The following CLMP variants were observed in gnomAD, a reference collection of about 807,000 sequenced individuals.
CLMP encodes the protein CXADR like cell adhesion molecule, also known as CXADR-like membrane protein.
A neutral mutation model predicts 45.2 loss-of-function variants in CLMP; 27 were observed. That is an observed-to-expected ratio of 0.60 (90% CI 0.44 to 0.82). CLMP has a LOEUF of 0.82. CLMP is among the 40% of genes least tolerant of loss of function. The probability of loss-of-function intolerance (pLI) is 0.00; values close to 1 mark genes in which losing one functional copy is unlikely to be tolerated. For missense variants in CLMP, 403 were observed against 448.4 expected, an observed-to-expected ratio of 0.90 and a Z score of 0.91; for synonymous variants, 167 against 171.4, an observed-to-expected ratio of 0.97 and a Z score of 0.20.
intron 1 of CLMP, among the ~76,000 whole-genome samples, chr11:123,170,976 G>A (rs978895991): frequency 1.1e-4 from 17 of 152,136 alleles, no homozygotes; most frequent in Admixed American, 5.9e-4. Context: ...GGAGACGTTC[G>A]AATACATTTA....
At chr11:123,090,775 C>A (rs1190558413) in intron 2 of CLMP, among the ~76,000 whole-genome samples, 1 of 152,034 alleles carries the variant, frequency 6.6e-6, no homozygotes, top group Non-Finnish European at 1.5e-5. Context: ...TCTCATGGCC[C>A]AATAACGAGA....
At chr11:123,118,926 TTCTTTTCTTTCTTTCTTTCTTTC>T (rs1860754491) in intron 1 of CLMP, among the ~76,000 whole-genome samples, 2 of 131,590 alleles carry the variant, frequency 1.5e-5, no homozygotes, top group Non-Finnish European at 3.2e-5. Context: ...GCATTTTCTT[TTCTTTTCTTTCTTTCTTTCTTTC>T]TTTCTTTCTT....
chr11:123,186,996 C>T (rs1004118744), intron 1 of CLMP, among the ~76,000 whole-genome samples: 2 of 152,202 alleles, frequency 1.3e-5, no homozygotes, highest in Non-Finnish European at 2.9e-5. Flanking sequence ...GACCCTCCCC[C>T]AGAAAGGAAA....
At chr11:123,167,146 T>C (rs552611113) in intron 1 of CLMP, among the ~76,000 whole-genome samples, 2 of 152,202 alleles carry the variant, frequency 1.3e-5, no homozygotes, top group African/African-American at 2.4e-5. Context: ...AATAATCTTA[T>C]AGATCACTCT....
In CLMP at chr11:123,126,319, G is replaced by A. The variant is rs138601024; in HGVS notation, c.29-28367C>T. ...AATAGGCCCTCAATGGATGTAAGCCGAATTAATTAAGTTTTCAGAGAGACA... is the reference window on the plus strand; with the variant it reads ...AATAGGCCCTCAATGGATGTAAGCCAAATTAATTAAGTTTTCAGAGAGACA... On this transcript the variant is annotated intron_variant, in intron 1 of 6. Transcript: ENST00000448775. Among the ~76,000 whole-genome samples, 159 of 152,248 alleles carry A rather than the reference G, an allele frequency of 1.0e-3. 1 individual carries two copies. Among genetic ancestry groups the A allele is most frequent in the Middle Eastern group, 3.4e-3 (1 of 294 alleles).
chr11:123,147,088 T>C (rs1861249581), intron 1 of CLMP, among the ~76,000 whole-genome samples: 1 of 152,228 alleles, frequency 6.6e-6, no homozygotes, highest in Non-Finnish European at 1.5e-5. Flanking sequence ...CTCTTTGCCT[T>C]CAGTTTCATA....
intron 1 of CLMP, among the ~76,000 whole-genome samples, chr11:123,152,563 T>TAAATAAATA (rs1199205471): frequency 6.7e-6 from 1 of 149,960 alleles, no homozygotes; most frequent in African/African-American, 2.5e-5. Context: ...AATAAATAAA[T>TAAATAAATA]AAAAAATAAA....
Position 123,073,502 on chromosome 11 carries a change from C to T in CLMP, c.1094G>A (p.Ser365Asn), listed in dbSNP as rs1217821379. 1 of 1,613,880 alleles carries T rather than the reference C, an allele frequency of 6.2e-7. No homozygotes were observed. The highest frequency in any genetic ancestry group is 8.5e-7 in the Non-Finnish European group (1 of 1,179,876). Residue 365 changes from serine (S) to asparagine (N), a missense_variant, in exon 7 of 7, where the codon AGC becomes AAC. Transcript: ENST00000448775. ...KAETTPSMIP[S>N]QSRAFQTV ...GACCGTTTGGAAGGCTCTGCTCTGG[C>T]TGGGGATCATGCTGGGTGTGGTTTC...
At chr11:123,153,045 AAAC>A (rs2135527506) in intron 1 of CLMP, among the ~76,000 whole-genome samples, 1 of 152,328 alleles carries the variant, frequency 6.6e-6, no homozygotes, top group South Asian at 2.1e-4. Context: ...TTTCCTTAGG[AAAC>A]AACATCTCTT....
intron 1 of CLMP, among the ~76,000 whole-genome samples, chr11:123,135,259 C>CAAAAAAAA (rs529613516): frequency 1.1e-5 from 1 of 89,096 alleles, no homozygotes; most frequent in Non-Finnish European, 2.3e-5. Flanking sequence ...GACTCCGTCT[C>CAAAAAAAA]AAAAAAAAAA....
chr11:123,188,174 C>T (rs949843884), intron 1 of CLMP, among the ~76,000 whole-genome samples: 5 of 152,164 alleles, frequency 3.3e-5, no homozygotes, highest in African/African-American at 4.8e-5. Flanking sequence ...CAGAGCCCAG[C>T]TAGGGGCCCG....
At chr11:123,094,396 T>C (rs1243887592) in intron 2 of CLMP, among the ~76,000 whole-genome samples, 1 of 152,074 alleles carries the variant, frequency 6.6e-6, no homozygotes, top group Non-Finnish European at 1.5e-5. Context: ...CATGAGCCAC[T>C]GTGCCCGCCC....
intron 1 of CLMP, among the ~76,000 whole-genome samples, chr11:123,193,407 T>C (rs1288698402): frequency 2.6e-5 from 4 of 152,264 alleles, no homozygotes; most frequent in African/African-American, 9.6e-5. Context: ...AGTTTCATTC[T>C]ACTAAATATC....
At chr11:123,178,403 ATTCC>A (rs1861727261) in intron 1 of CLMP, among the ~76,000 whole-genome samples, 1 of 152,210 alleles carries the variant, frequency 6.6e-6, no homozygotes, top group Admixed American at 6.5e-5. Flanking sequence ...CCTTCATTCC[ATTCC>A]TTCACTCTAG....
intron 2 of CLMP, among the ~76,000 whole-genome samples, chr11:123,091,073 T>C (rs547799973): frequency 6.6e-6 from 1 of 151,546 alleles, no homozygotes; most frequent in East Asian, 1.9e-4. Context: ...ATTCTTTTCC[T>C]TCTTTCTTTC....
At chr11:123,128,481 G>C (rs759970504) in intron 1 of CLMP, among the ~76,000 whole-genome samples, 3 of 152,064 alleles carry the variant, frequency 2.0e-5, no homozygotes, top group Non-Finnish European at 4.4e-5. Flanking sequence ...GAGCAACATA[G>C]CGAGATCTTG....
intron 6 of CLMP, 37 bp downstream of exon 6, chr11:123,074,665 C>G (rs1565374610): frequency 6.2e-7 from 1 of 1,606,296 alleles, no homozygotes. Context: ...GGCCCTAAAA[C>G]AGAAGCCCCG....
intron 6 of CLMP, 27 bp downstream of exon 6, chr11:123,074,675 G>C (rs200294428): frequency 6.2e-7 from 1 of 1,610,516 alleles, no homozygotes; most frequent in Non-Finnish European, 8.5e-7. Flanking sequence ...CAGAAGCCCC[G>C]TAAAAGTAGG....
At chr11:123,118,456 C>T (rs1466878316) in intron 1 of CLMP, among the ~76,000 whole-genome samples, 1 of 152,188 alleles carries the variant, frequency 6.6e-6, no homozygotes, top group Non-Finnish European at 1.5e-5. Context: ...AAACTTTAAT[C>T]TGCTTCTTAC....
Sources: gnomAD v4.1 joint callset for allele counts (sites outside exome capture counted in the v4.1 genomes callset) on GRCh38, gnomAD v4.1.1 for gene constraint, MANE v1.5 for transcripts, NCBI Gene and HGNC (gene_info 2026-07-23, HGNC 2026-07-21) for gene names.